MEI4: variants seen among roughly 807,000 people sequenced by gnomAD.
MEI4 encodes meiosis-specific protein MEI4.
MEI4 carries 27 observed loss-of-function variants against 31.4 expected under a neutral mutation model. That is an observed-to-expected ratio of 0.86 (90% CI 0.63 to 1.19). The LOEUF is 1.19. Ranked by LOEUF, MEI4 falls within the 50% of genes most tolerant of loss-of-function variation. MEI4 has a pLI of 0.00. For missense variants in MEI4, 329 were observed against 398.9 expected (o/e 0.82, Z 1.49); for synonymous variants, 122 against 145.4 (o/e 0.84, Z 1.16).
At chr6:77,700,745 T>A (rs376087338) in intron 2 of MEI4, among the ~76,000 whole-genome samples, 1 of 152,220 alleles carries the variant, frequency 6.6e-6, no homozygotes, top group Admixed American at 6.5e-5. Context: ...TCCACCCTGA[T>A]ATGCTTTTTC....
intron 2 of MEI4, among the ~76,000 whole-genome samples, chr6:77,694,018 A>T (rs766184828): frequency 2.7e-4 from 41 of 149,274 alleles, no homozygotes; most frequent in Non-Finnish European, 2.2e-4. Context: ...TGAGCAACCC[A>T]AAATTAAATA....
chr6:77,864,716 C>G (rs1770970483), intron 4 of MEI4, among the ~76,000 whole-genome samples: 1 of 152,176 alleles, frequency 6.6e-6, no homozygotes, highest in South Asian at 2.1e-4. Flanking sequence ...GAATTCAGCT[C>G]TGCACTAAGC....
rs973315619 is a variant in MEI4, at chr6:77,719,072, G to A, written c.232+28169G>A. On this transcript the variant is annotated intron_variant, in intron 2 of 4. Coordinates refer to ENST00000684080, the MANE Select transcript of MEI4 (RefSeq NM_001322247.2). ...ATGCTTATGTTTGTCTAAACTTTCT[G>A]TTAAGTCGCTATCAACAGCTGGACT... Among the ~76,000 whole-genome samples, 77 of 136,076 alleles carry A rather than the reference G, an allele frequency of 5.7e-4. 7 individuals are homozygous for A. The highest frequency in any genetic ancestry group is 2.0e-3 in the African/African-American group (72 of 35,480). 89.3% of individuals were successfully genotyped at this position (136,076 alleles called of 152,430 possible).
At chr6:77,868,502 C>CATATATATATATATATATACAT (rs1771109407) in intron 4 of MEI4, among the ~76,000 whole-genome samples, 1 of 90,062 alleles carries the variant, frequency 1.1e-5, no homozygotes, top group Non-Finnish European at 2.3e-5. Flanking sequence ...AAAAATACTA[C>CATATATATATATATATATACAT]ATATATATAT....
At chr6:77,819,191 T>C (rs1275129982) in intron 3 of MEI4, among the ~76,000 whole-genome samples, 1 of 152,218 alleles carries the variant, frequency 6.6e-6, no homozygotes, top group Non-Finnish European at 1.5e-5. Context: ...TATGTGTATT[T>C]ACCATTTCTA....
intron 2 of MEI4, among the ~76,000 whole-genome samples, chr6:77,697,880 A>G (rs7766760): frequency 0.13 from 19,012 of 152,074 alleles, 1,378 homozygotes; most frequent in Middle Eastern, 0.21. Flanking sequence ...AAAGTCTCCC[A>G]TTATTATTGT....
At chr6:77,829,356 G>T (rs1770026553) in intron 4 of MEI4, among the ~76,000 whole-genome samples, 1 of 152,154 alleles carries the variant, frequency 6.6e-6, no homozygotes, top group South Asian at 2.1e-4. Flanking sequence ...CAGGCAGGCA[G>T]CATGTTTCTA....
chr6:77,804,222 T>A lies in MEI4; in HGVS notation c.769-24709T>A, dbSNP rs1184427430. ...ACCGCCTTGCAGTTTGATCTCAGAC[T>A]GCTGTGCTAGCAATGAGCAAGACTC... On this transcript the variant is annotated intron_variant, in intron 3 of 4. Coordinates refer to ENST00000684080, the MANE Select transcript of MEI4 (RefSeq NM_001322247.2). 4.6e-5 allele frequency among the ~76,000 whole-genome samples: 7 copies of A among 152,180 alleles called. No individual in the cohort carries two copies. In the East Asian group the frequency reaches 1.2e-3, roughly 25 times the overall value.
chr6:77,829,136 TTCTTC>T (rs1770021512), intron 4 of MEI4, 74 bp downstream of exon 4: 4 of 1,077,020 alleles, frequency 3.7e-6, no homozygotes, highest in African/African-American at 3.3e-5. Context: ...TTTCCCTTCT[TTCTTC>T]TCTTCTTTCC....
At chr6:77,712,037 T>G (rs181241342) in intron 2 of MEI4, among the ~76,000 whole-genome samples, 8 of 152,328 alleles carry the variant, frequency 5.3e-5, no homozygotes, top group Non-Finnish European at 1.0e-4. Flanking sequence ...ATTCACCTTG[T>G]AGATGACTTC....
intron 2 of MEI4, among the ~76,000 whole-genome samples, chr6:77,694,692 T>G (rs1765969711): frequency 6.6e-6 from 1 of 152,172 alleles, no homozygotes; most frequent in Non-Finnish European, 1.5e-5. Flanking sequence ...TTCCAAGTCT[T>G]TGCTAGTGTG....
chr6:77,832,214 T>C (rs1335680944), intron 4 of MEI4, among the ~76,000 whole-genome samples: 2 of 152,026 alleles, frequency 1.3e-5, no homozygotes, highest in Non-Finnish European at 2.9e-5. Flanking sequence ...GTGTTTTAGC[T>C]CACTTTAAAG....
At chr6:77,731,431 G>A (rs1294706957) in intron 2 of MEI4, among the ~76,000 whole-genome samples, 2 of 150,314 alleles carry the variant, frequency 1.3e-5, no homozygotes, top group African/African-American at 2.5e-5. Flanking sequence ...GTCTTCTTTT[G>A]AGAAGTGTCT....
intron 4 of MEI4, among the ~76,000 whole-genome samples, chr6:77,891,233 A>G (rs1305318438): frequency 1.3e-5 from 2 of 151,994 alleles, no homozygotes; most frequent in Non-Finnish European, 2.9e-5. Flanking sequence ...TATGTTTTCT[A>G]TTATTTTGCC....
At chr6:77,922,911 A>T (rs961557066) in intron 4 of MEI4, among the ~76,000 whole-genome samples, 178 bp from the exon 5 acceptor site, 2 of 151,796 alleles carry the variant, frequency 1.3e-5, no homozygotes, top group Non-Finnish European at 2.9e-5. Flanking sequence ...ATGATTGTAA[A>T]GTCTTTGAAT....
chr6:77,743,031 G>A (rs1261633588), intron 2 of MEI4, among the ~76,000 whole-genome samples: 2 of 152,094 alleles, frequency 1.3e-5, no homozygotes, highest in African/African-American at 2.4e-5. Context: ...TAGCCTTATA[G>A]TATAGTTTGA....
intron 3 of MEI4, among the ~76,000 whole-genome samples, chr6:77,798,667 A>G (rs1442602692): frequency 2.7e-5 from 3 of 109,970 alleles, no homozygotes; most frequent in Middle Eastern, 8.2e-3. Context: ...AACAGTCCCC[A>G]GAGTGTGATG....
chr6:77,893,147 T>C (rs1038638044), intron 4 of MEI4, among the ~76,000 whole-genome samples: 3 of 152,190 alleles, frequency 2.0e-5, no homozygotes, highest in Admixed American at 1.3e-4. Flanking sequence ...CAATGTTCTC[T>C]CTTAGACACT....
intron 4 of MEI4, among the ~76,000 whole-genome samples, chr6:77,890,236 G>T (rs1313233135): frequency 6.6e-6 from 1 of 152,158 alleles, no homozygotes; most frequent in African/African-American, 2.4e-5. Context: ...CATGAAAGCA[G>T]CTGGGAGGGG....
Sources: gnomAD v4.1 joint callset for allele counts (sites outside exome capture counted in the v4.1 genomes callset) on GRCh38, gnomAD v4.1.1 for gene constraint, MANE v1.5 for transcripts, NCBI Gene and HGNC (gene_info 2026-07-23, HGNC 2026-07-21) for gene names.